CYREN: variants seen among roughly 807,000 people sequenced by gnomAD.
The protein encoded by CYREN is cell cycle regulator of non-homologous end joining.
CYREN carries 7 observed loss-of-function variants against 9.7 expected under a neutral mutation model. The ratio of observed to expected loss-of-function variants is 0.72; its 90% confidence interval spans 0.41 to 1.36. CYREN has a LOEUF of 1.36. Among genes scored for constraint, CYREN ranks in the 40% most tolerant of loss-of-function variants. CYREN has a pLI of 0.01. For missense variants in CYREN, 215 were observed against 198.1 expected (o/e 1.09, Z -0.51); for synonymous variants, 76 against 77.9 (o/e 0.98, Z 0.13).
intron 2 of CYREN, among the ~76,000 whole-genome samples, chr7:135,095,547 A>T (rs1432058279): frequency 6.6e-6 from 1 of 152,188 alleles, no homozygotes; most frequent in East Asian, 1.9e-4. Context: ...AGTTTTTGTT[A>T]CCCACTGTCC....
At chr7:135,168,097 G>A in intron 2 of CYREN, 1 of 450,804 alleles carries the variant, frequency 2.2e-6, no homozygotes, top group Non-Finnish European at 4.0e-6. Flanking sequence ...CACACACATG[G>A]ATGCAAGAGG....
chr7:135,092,544 G>A (rs1462548402), exon 3 of CYREN: 1 of 152,192 alleles, frequency 6.6e-6, no homozygotes, highest in African/African-American at 2.4e-5. Flanking sequence ...GGTTGTGCCA[G>A]ACACTTGGGT....
At chr7:135,135,502 T>G (rs1326632311) in intron 2 of CYREN, 1 of 311,624 alleles carries the variant, frequency 3.2e-6, no homozygotes, top group African/African-American at 2.1e-5. Flanking sequence ...ATTTAGTTTT[T>G]ATCAGCATGG....
At chr7:135,170,224 C>A (rs1275634378) in intron 1 of CYREN, 1 of 152,376 alleles carries the variant, frequency 6.6e-6, no homozygotes, top group African/African-American at 2.4e-5. Flanking sequence ...AAGAGCAGGC[C>A]GCGGCAACTT....
intron 2 of CYREN, among the ~76,000 whole-genome samples, chr7:135,133,528 T>C (rs1349881688): frequency 6.6e-6 from 1 of 152,196 alleles, no homozygotes; most frequent in Non-Finnish European, 1.5e-5. Flanking sequence ...CAAGAACTTT[T>C]ATATAGCTAG....
At chr7:135,129,529 C>T in intron 2 of CYREN, 1 of 772,324 alleles carries the variant, frequency 1.3e-6, no homozygotes, top group Non-Finnish European at 2.4e-6. Context: ...AACAAGATGA[C>T]ATGTACTGGC....
chr7:135,122,751 C>T lies in CYREN; in HGVS notation n.357-28169G>A, dbSNP rs558959858. Among the ~76,000 whole-genome samples, 20 of 152,138 alleles carry T rather than the reference C, an allele frequency of 1.3e-4. No homozygotes were observed. In the East Asian group the frequency reaches 2.5e-3, roughly 19 times the overall value. Reference sequence around the variant, plus strand: ...CCAGGCCCAGGAGTGAACCAGATGACGAGGGCCTGAAGTGAAACCCCAGCA... The same window carrying T: ...CCAGGCCCAGGAGTGAACCAGATGATGAGGGCCTGAAGTGAAACCCCAGCA... On this transcript the variant is annotated intron_variant and non_coding_transcript_variant, in intron 2 of 2. Coordinates refer to the CYREN transcript ENST00000459937.
Position 135,159,296 on chromosome 7 carries a change from G to A in CYREN, n.356+9453C>T, listed in dbSNP as rs141179123. 1.9e-4 allele frequency among the ~76,000 whole-genome samples: 29 copies of A among 152,276 alleles called. No individual in the cohort carries two copies. The East Asian group carries it at 2.3e-3, about 12-fold the overall frequency. On this transcript the variant is annotated intron_variant and non_coding_transcript_variant, in intron 2 of 2. Coordinates refer to the CYREN transcript ENST00000459937. ...TTTAGATAGCCATCTTGATCCTTTC[G>A]AAAATTTACTCTTTCAATAAGAACC...
rs771354848 is a variant in CYREN, at chr7:135,115,195, G to A, written n.357-20613C>T. Among the ~76,000 whole-genome samples, 9 of 151,868 alleles carry A rather than the reference G, an allele frequency of 5.9e-5. No homozygotes were observed. In the East Asian group the frequency reaches 1.2e-3, roughly 20 times the overall value. On this transcript the variant is annotated intron_variant and non_coding_transcript_variant, in intron 2 of 2. Coordinates refer to the CYREN transcript ENST00000459937. ...CCCCTCCGCAGCTTTACTTTATCCCGTAAACTTTATCATTATCTAACATAA... is the reference window on the plus strand; with the variant it reads ...CCCCTCCGCAGCTTTACTTTATCCCATAAACTTTATCATTATCTAACATAA...
chr7:135,168,858 G>A lies in CYREN; in HGVS notation c.65C>T (p.Ala22Val). The A allele has an allele frequency of 2.5e-6, 4 of 1,614,088 alleles. No homozygotes were observed. Among genetic ancestry groups the A allele is most frequent in the Non-Finnish European group, 3.4e-6 (4 of 1,179,966 alleles). Reference sequence around the variant, plus strand: ...CTTCATTGGTGCCACATTCTTTGTAGCCACCTGGGCTGTCAGCCATGAGGG... The same window carrying A: ...CTTCATTGGTGCCACATTCTTTGTAACCACCTGGGCTGTCAGCCATGAGGG... ...VLPSWLTAQV[A>V]TKNVAPMKAP... The change falls in exon 2 of 4, where the codon GCT becomes GTT. Residue 22 changes from alanine to valine, a missense_variant. Transcript: ENST00000393114.
chr7:135,147,282 A>C (rs1298645414), intron 2 of CYREN, among the ~76,000 whole-genome samples: 2 of 152,104 alleles, frequency 1.3e-5, no homozygotes, highest in African/African-American at 2.4e-5. Context: ...ACCTCTTTCT[A>C]GAGTTTGCGT....
intron 2 of CYREN, among the ~76,000 whole-genome samples, chr7:135,154,479 T>G (rs1252985600): frequency 6.6e-6 from 1 of 152,238 alleles, no homozygotes; most frequent in Non-Finnish European, 1.5e-5. Context: ...ACTTTTTTGA[T>G]GTAGGCATTT....
chr7:135,116,993 T>C (rs1250553106), intron 2 of CYREN, among the ~76,000 whole-genome samples: 4 of 152,208 alleles, frequency 2.6e-5, no homozygotes, highest in Admixed American at 2.6e-4. Context: ...ATTGTGTTGT[T>C]CCTTTGTTCT....
intron 2 of CYREN, among the ~76,000 whole-genome samples, chr7:135,096,305 G>A (rs1330684309): frequency 6.6e-6 from 1 of 151,624 alleles, no homozygotes; most frequent in East Asian, 1.9e-4. Context: ...ACCAATGCCA[G>A]CATGGCCCAA....
Position 135,166,853 on chromosome 7 carries a change from C to G in CYREN, c.232G>C (p.Ala78Pro), listed in dbSNP as rs1830184811. ...ILIESRKQEK[A>P]CEQPALAGAD... is the part of the protein sequence containing the mutation. ...CCCGCCAGGGCCGGCTGCTCGCAGG[C>G]CTTTTCCTGTTTGCGGCTCTGTGGA... Residue 78 changes from alanine to proline, a missense_variant, in exon 4 of 4, where the codon GCC becomes CCC. Physicochemically the swap from Ala to Pro is conservative, Grantham distance 27. Transcript: ENST00000393114. The G allele has an allele frequency of 6.2e-7, 1 of 1,613,518 alleles. No individual in the cohort carries two copies. The highest frequency in any genetic ancestry group is 8.5e-7 in the Non-Finnish European group (1 of 1,179,616).
At chr7:135,166,915 T>G (rs374294893) in intron 3 of CYREN, 44 bp from the exon 4 acceptor site, 1 of 1,593,232 alleles carries the variant, frequency 6.3e-7, no homozygotes, top group African/African-American at 1.3e-5. Flanking sequence ...CGTGTTTTAT[T>G]TCCCTAACAT....
chr7:135,109,724 C>G (rs1406877784), intron 2 of CYREN, among the ~76,000 whole-genome samples: 1 of 152,186 alleles, frequency 6.6e-6, no homozygotes. Flanking sequence ...GAAATGGGAT[C>G]CAGTGCCTGT....
At chr7:135,128,958 G>A in intron 2 of CYREN, 1 of 1,578,208 alleles carries the variant, frequency 6.3e-7, no homozygotes, top group Non-Finnish European at 8.7e-7. Flanking sequence ...GCTGGGTAGT[G>A]AATGCATGTA....
intron 2 of CYREN, among the ~76,000 whole-genome samples, chr7:135,156,325 C>T (rs1368789451): frequency 6.6e-6 from 1 of 152,182 alleles, no homozygotes; most frequent in African/African-American, 2.4e-5. Flanking sequence ...TCTTCCCCCT[C>T]AGAAATACCA....
Sources: gnomAD v4.1 joint callset for allele counts (sites outside exome capture counted in the v4.1 genomes callset) on GRCh38, gnomAD v4.1.1 for gene constraint, MANE v1.5 for transcripts, NCBI Gene and HGNC (gene_info 2026-07-23, HGNC 2026-07-21) for gene names.